Variants in WDR41 observed in about 807,000 individuals in gnomAD.
WDR41 encodes WD repeat-containing protein 41.
Under a neutral mutation model 69.3 loss-of-function variants are expected in WDR41, and 63 were observed. The observed-to-expected ratio is 0.91, with a 90% CI of 0.74 to 1.12. The LOEUF (loss-of-function observed/expected upper bound fraction) is 1.12, where lower values mean the gene tolerates loss of function less well. Ranked by LOEUF, WDR41 falls within the 50% of genes most tolerant of loss-of-function variation. WDR41 has a pLI of 0.00. For missense variants in WDR41, 543 were observed against 534.5 expected (o/e 1.02, Z -0.16); for synonymous variants, 185 against 192.1 (o/e 0.96, Z 0.31).
At chr5:77,594,166 CA>C (rs1415568612) in intron 1 of WDR41, among the ~76,000 whole-genome samples, 1 of 146,276 alleles carries the variant, frequency 6.8e-6, no homozygotes, top group Non-Finnish European at 1.5e-5. Context: ...ATCGCAAGGA[CA>C]AAAAACCAAA....
At position 77,433,086 on chromosome 5, in the gene WDR41, C is replaced by T. The variant is rs760943951; in HGVS notation, c.*49G>A. ...TATTAATGGTTTTCAGAGTAGTACC[C>T]GATATTTGATGTTCAAGGTTCATGC... On this transcript the variant is annotated 3_prime_UTR_variant, in exon 13 of 13. Coordinates refer to ENST00000296679, the MANE Select transcript of WDR41 (RefSeq NM_018268.4). The T allele has an allele frequency of 3.8e-5, 58 of 1,538,424 alleles. No homozygotes were observed. In the Middle Eastern group the frequency reaches 5.8e-4, roughly 15 times the overall value.
chr5:77,572,826 A>T (rs963584892), intron 1 of WDR41, among the ~76,000 whole-genome samples: 4 of 152,182 alleles, frequency 2.6e-5, no homozygotes, highest in African/African-American at 9.7e-5. Context: ...TTTTTCAGGA[A>T]CCCAAAGTAT....
At chr5:77,573,344 T>A (rs1743766935) in intron 1 of WDR41, among the ~76,000 whole-genome samples, 1 of 152,172 alleles carries the variant, frequency 6.6e-6, no homozygotes, top group Non-Finnish European at 1.5e-5. Context: ...TAGGTATACA[T>A]GTGCCGTGGT....
chr5:77,612,326 C>G (rs1369464105), intron 1 of WDR41, among the ~76,000 whole-genome samples: 1 of 152,108 alleles, frequency 6.6e-6, no homozygotes, highest in Non-Finnish European at 1.5e-5. Flanking sequence ...CAAAACCAGG[C>G]AGAGACACAA....
intron 2 of WDR41, among the ~76,000 whole-genome samples, chr5:77,486,637 G>C (rs1230633477): frequency 2.6e-5 from 4 of 152,138 alleles, no homozygotes; most frequent in Non-Finnish European, 4.4e-5. Context: ...ATCATTATGT[G>C]AACAAGCACC....
At chr5:77,473,786 C>T (rs1800748089) in intron 2 of WDR41, among the ~76,000 whole-genome samples, 1 of 152,166 alleles carries the variant, frequency 6.6e-6, no homozygotes, top group South Asian at 2.1e-4. Flanking sequence ...ATTAAAAAGT[C>T]AGGAAACAAC....
At chr5:77,540,045 A>T (rs1743059077) in intron 1 of WDR41, among the ~76,000 whole-genome samples, 1 of 152,218 alleles carries the variant, frequency 6.6e-6, no homozygotes, top group African/African-American at 2.4e-5. Flanking sequence ...AATCTTTAAG[A>T]ATATTACCTA....
chr5:77,433,118 A>AT lies in WDR41; in HGVS notation c.*16dup, dbSNP rs776674707. The stretch of plus-strand genomic sequence containing the variant: ...TGATGTTCAAGGTTCATGCATGTGT[A>AT]TTTTTAATTCCTTAAACTAGACAGC... On this transcript the variant is annotated 3_prime_UTR_variant, in exon 13 of 13. Transcript: ENST00000296679. 1.2e-6 allele frequency: 2 copies of AT among 1,603,916 alleles called. No individual in the cohort carries two copies. Among genetic ancestry groups the AT allele is most frequent in the Admixed American group, 1.7e-5 (1 of 58,254 alleles).
chr5:77,489,490 A>G lies in WDR41; in HGVS notation c.134T>C (p.Ile45Thr). The part of the protein sequence containing the change: ...ELLVLKAHHD[I>T]VRFLVQLDDY... ...ATCTAACTGTACCAGAAATCGTACA[A>G]TATCATGATGAGCCTTCAGTACTAG... The change falls in exon 2 of 13, where the codon ATT becomes ACT. Residue 45 changes from isoleucine to threonine, a missense_variant. By Grantham distance (89) the Ile-to-Thr change is moderately conservative. Coordinates refer to ENST00000296679, the MANE Select transcript of WDR41 (RefSeq NM_018268.4). The G allele has an allele frequency of 6.2e-7, 1 of 1,608,770 alleles. No individual in the cohort carries two copies. The highest frequency in any genetic ancestry group is 8.5e-7 in the Non-Finnish European group (1 of 1,177,686).
chr5:77,500,122 A>G (rs1801995417), intron 1 of WDR41, among the ~76,000 whole-genome samples: 1 of 152,228 alleles, frequency 6.6e-6, no homozygotes, highest in Admixed American at 6.5e-5. Flanking sequence ...CCAATGACAA[A>G]ACTACAGATG....
At chr5:77,459,259 T>A in intron 4 of WDR41, 135 bp from the exon 5 acceptor site, 1 of 602,232 alleles carries the variant, frequency 1.7e-6, no homozygotes. Flanking sequence ...TTAGTGTTTA[T>A]ACCACCACAA....
intron 2 of WDR41, among the ~76,000 whole-genome samples, chr5:77,467,925 A>G (rs1419815853): frequency 6.6e-6 from 1 of 152,010 alleles, no homozygotes; most frequent in African/African-American, 2.4e-5. Flanking sequence ...TCTTATCCAT[A>G]TACTTCAGGT....
At chr5:77,508,319 G>T (rs1802144798) in intron 1 of WDR41, among the ~76,000 whole-genome samples, 1 of 152,012 alleles carries the variant, frequency 6.6e-6, no homozygotes. Context: ...CTCCATTGTT[G>T]CCCAGACTGA....
chr5:77,516,740 T>A (rs995742364), intron 1 of WDR41, among the ~76,000 whole-genome samples: 1 of 152,174 alleles, frequency 6.6e-6, no homozygotes, highest in Non-Finnish European at 1.5e-5. Context: ...GTTTTCCAGC[T>A]GGGTGCAGTG....
intron 1 of WDR41, among the ~76,000 whole-genome samples, chr5:77,604,723 G>A (rs1315562067): frequency 1.3e-5 from 2 of 152,090 alleles, no homozygotes; most frequent in African/African-American, 4.8e-5. Context: ...AATAGGAAAA[G>A]ACCAAAACCG....
chr5:77,471,939 C>A (rs548782723), intron 2 of WDR41, among the ~76,000 whole-genome samples: 99 of 152,278 alleles, frequency 6.5e-4, no homozygotes, highest in African/African-American at 2.3e-3. Flanking sequence ...CAGCATCATC[C>A]TGATACCAAA....
intron 3 of WDR41, 39 bp downstream of exon 3, chr5:77,464,722 A>G (rs778066833): frequency 1.3e-6 from 2 of 1,599,814 alleles, no homozygotes; most frequent in Non-Finnish European, 8.6e-7. Context: ...CTACATCATC[A>G]TATCTTTATC....
chr5:77,529,142 A>C (rs1802488912), intron 1 of WDR41, among the ~76,000 whole-genome samples: 1 of 151,616 alleles, frequency 6.6e-6, no homozygotes, highest in African/African-American at 2.4e-5. Context: ...AAAATACAAA[A>C]TAATCTACAG....
At chr5:77,565,776 A>T (rs1743614812) in intron 1 of WDR41, among the ~76,000 whole-genome samples, 1 of 152,048 alleles carries the variant, frequency 6.6e-6, no homozygotes, top group South Asian at 2.1e-4. Flanking sequence ...AGTCAGTACC[A>T]TGCTGTTTTA....
Sources: gnomAD v4.1 joint callset for allele counts (sites outside exome capture counted in the v4.1 genomes callset) on GRCh38, gnomAD v4.1.1 for gene constraint, MANE v1.5 for transcripts, NCBI Gene and HGNC (gene_info 2026-07-23, HGNC 2026-07-21) for gene names.